MTBP: variants seen among roughly 807,000 people sequenced by gnomAD.
The protein encoded by MTBP is mdm2-binding protein.
Under a neutral mutation model 117.0 loss-of-function variants are expected in MTBP, and 101 were observed. The observed-to-expected ratio is 0.86, with a 90% CI of 0.73 to 1.02. The LOEUF (loss-of-function observed/expected upper bound fraction) is 1.02. Ranked by LOEUF, MTBP falls within the 50% of genes least tolerant of loss-of-function variation. The pLI is 0.00. For missense variants in MTBP, 970 were observed against 1,030.9 expected (o/e 0.94, Z 0.81); for synonymous variants, 350 against 351.5 (o/e 1.00, Z 0.05).
Position 120,515,914 on chromosome 8 carries a change from A to T in MTBP, c.1980-11A>T. The stretch of plus-strand genomic sequence containing the variant: ...GAGGTTTACATTTTAATGCTCTTTC[A>T]CTCATTTTAGATATTGCTTGGATGA... On this transcript the variant is annotated splice_polypyrimidine_tract_variant and intron_variant, in intron 17 of 21. Transcript: ENST00000305949. 6.2e-7 allele frequency: 1 copy of T among 1,609,646 alleles called. No homozygotes were observed. Among genetic ancestry groups the T allele is most frequent in the Non-Finnish European group, 8.5e-7 (1 of 1,177,638 alleles).
chr8:120,494,827 T>C (rs1052491499), intron 13 of MTBP, among the ~76,000 whole-genome samples: 1 of 152,216 alleles, frequency 6.6e-6, no homozygotes, highest in Admixed American at 6.5e-5. Context: ...TAAATTTGCC[T>C]ACTCTTCTGT....
intron 10 of MTBP, among the ~76,000 whole-genome samples, chr8:120,469,037 A>C (rs1813759959): frequency 6.6e-6 from 1 of 151,780 alleles, no homozygotes; most frequent in Admixed American, 6.6e-5. Context: ...TTGGGGGTTT[A>C]TTTATTTATT....
At chr8:120,446,260 A>G (rs765163284) in intron 1 of MTBP, among the ~76,000 whole-genome samples, 173 bp from the exon 2 acceptor site, 17 of 152,000 alleles carry the variant, frequency 1.1e-4, no homozygotes, top group Non-Finnish European at 1.9e-4. Flanking sequence ...AGCCTTTTCT[A>G]TTTTCTCTGA....
chr8:120,505,999 T>G (rs372069679), intron 15 of MTBP, among the ~76,000 whole-genome samples: 2 of 152,216 alleles, frequency 1.3e-5, no homozygotes, highest in African/African-American at 4.8e-5. Flanking sequence ...CTTTTTAAGC[T>G]TGGCATGCCG....
At position 120,523,622 on chromosome 8, in the gene MTBP, A is replaced by G. The variant is rs1303349578; in HGVS notation, c.*286A>G. The G allele has an allele frequency of 5.7e-6, 1 of 176,502 alleles. No individual in the cohort carries two copies. Among genetic ancestry groups the G allele is most frequent in the Non-Finnish European group, 1.2e-5 (1 of 84,366 alleles). 10.9% of individuals were successfully genotyped at this position (176,502 alleles called of 1,614,324 possible). ...CTTATTTAATTATTACAATAAACAG[A>G]ATTTTTTTTTTTTACTTTTTGGATT... On this transcript the variant is annotated 3_prime_UTR_variant, in exon 22 of 22. Coordinates refer to ENST00000305949, the MANE Select transcript of MTBP (RefSeq NM_022045.5).
chr8:120,478,588 A>T (rs551472724), intron 11 of MTBP, among the ~76,000 whole-genome samples: 28 of 152,320 alleles, frequency 1.8e-4, no homozygotes, highest in Non-Finnish European at 3.4e-4. Context: ...GAAACATGTT[A>T]AAGGCACTCT....
intron 17 of MTBP, among the ~76,000 whole-genome samples, 182 bp downstream of exon 17, chr8:120,510,211 G>C (rs570829241): frequency 6.6e-6 from 1 of 152,270 alleles, no homozygotes; most frequent in Non-Finnish European, 1.5e-5. Context: ...GTTATTTGAT[G>C]ATTAATCAGC....
Position 120,461,159 on chromosome 8 carries a change from A to G in MTBP, c.883-2A>G. ...ATTACACAATTTTAATTTCTTTTCT[A>G]GGTTTTCCATTATTATGGCCCTGCT... On this transcript the variant is annotated splice_acceptor_variant, in intron 8 of 21. Coordinates refer to ENST00000305949, the MANE Select transcript of MTBP (RefSeq NM_022045.5). LOFTEE classifies it high-confidence loss of function. 1 of 1,561,046 alleles carries G rather than the reference A, an allele frequency of 6.4e-7. No individual in the cohort carries two copies. Among genetic ancestry groups the G allele is most frequent in the Non-Finnish European group, 8.8e-7 (1 of 1,134,240 alleles).
rs147736284 is a variant in MTBP at position 120,450,572 on chromosome 8, G to A, written c.200-431G>A. On this transcript the variant is annotated intron_variant, in intron 2 of 21. Transcript: ENST00000305949. ...TCTTCCTTATCTTTAGACTGGGTTT[G>A]CTCTTTAACGCCTCTGTCTCTAGTC... Among the ~76,000 whole-genome samples, 339 of 152,182 alleles carry A rather than the reference G, an allele frequency of 2.2e-3. 2 individuals are homozygous for A. Among genetic ancestry groups the A allele is most frequent in the Admixed American group, 3.6e-3 (55 of 15,286 alleles).
At chr8:120,506,580 C>A in intron 15 of MTBP, 126 bp from the exon 16 acceptor site, 1 of 579,060 alleles carries the variant, frequency 1.7e-6, no homozygotes, top group Non-Finnish European at 2.8e-6. Flanking sequence ...TCCCATGTTG[C>A]TGGTGTGTTT....
At chr8:120,453,965 A>T in intron 5 of MTBP, 60 bp downstream of exon 5, 1 of 1,012,074 alleles carries the variant, frequency 9.9e-7, no homozygotes, top group Admixed American at 2.4e-5. Flanking sequence ...TTTATGAATA[A>T]ATGATAAATT....
Position 120,514,115 on chromosome 8 carries a change from A to G in MTBP, c.1980-1810A>G, listed in dbSNP as rs572148616. Reference sequence around the variant, plus strand: ...ATATTTAAATATAATTAATTTTAATATAATAAGATGTTTTGATGTACGTAT... The same window carrying G: ...ATATTTAAATATAATTAATTTTAATGTAATAAGATGTTTTGATGTACGTAT... On this transcript the variant is annotated intron_variant, in intron 17 of 21. Transcript: ENST00000305949. Among the ~76,000 whole-genome samples, 169 of 151,890 alleles carry G rather than the reference A, an allele frequency of 1.1e-3. 1 individual carries two copies. Among genetic ancestry groups the G allele is most frequent in the African/African-American group, 3.9e-3 (161 of 41,540 alleles).
chr8:120,514,064 G>GA (rs1343842630), intron 17 of MTBP, among the ~76,000 whole-genome samples: 2 of 151,624 alleles, frequency 1.3e-5, no homozygotes, highest in Admixed American at 6.6e-5. Context: ...CATCTAAGTA[G>GA]ACTTTTTAAA....
At chr8:120,490,685 T>C in intron 13 of MTBP, 115 bp downstream of exon 13, 1 of 610,796 alleles carries the variant, frequency 1.6e-6, no homozygotes, top group Non-Finnish European at 2.8e-6. Context: ...TTATGCTACT[T>C]AATTATAGAA....
At chr8:120,459,609 C>T (rs957742763) in intron 8 of MTBP, among the ~76,000 whole-genome samples, 8 of 152,084 alleles carry the variant, frequency 5.3e-5, no homozygotes, top group African/African-American at 1.7e-4. Flanking sequence ...TTGGACTTTA[C>T]TATGTGACCT....
At chr8:120,508,372 A>C (rs992558612) in intron 16 of MTBP, among the ~76,000 whole-genome samples, 2 of 152,162 alleles carry the variant, frequency 1.3e-5, no homozygotes, top group Non-Finnish European at 2.9e-5. Context: ...GCTGAGGGCG[A>C]TTGATATGAG....
chr8:120,449,171 A>G (rs1211761915), intron 2 of MTBP, among the ~76,000 whole-genome samples: 1 of 152,048 alleles, frequency 6.6e-6, no homozygotes, highest in Non-Finnish European at 1.5e-5. Context: ...TCTGAAGGAA[A>G]TTATGGGGGT....
In MTBP at chr8:120,445,623, T is replaced by C. The variant is rs772228075; in HGVS notation, c.118+35T>C. ...GGGATGAGAAAGAGCGGGAACGGCT[T>C]GTGGAGAGGGGAAGAAGTTTGAGTT... On this transcript the variant is annotated intron_variant, in intron 1 of 21. Coordinates refer to ENST00000305949, the MANE Select transcript of MTBP (RefSeq NM_022045.5). 1.4e-5 allele frequency: 21 copies of C among 1,525,872 alleles called. No homozygotes were observed. In the South Asian group the frequency reaches 2.4e-4, roughly 18 times the overall value. 94.5% of individuals were successfully genotyped at this position (1,525,872 alleles called of 1,614,324 possible).
Position 120,463,781 on chromosome 8 carries a change from G to A in MTBP, c.1047+20G>A. ...AGCAAGGTATTGAGGGTTTCTTGGG[G>A]GTTTTTTGTTTGTTTGTTTTTATAC... is the stretch of plus-strand genomic sequence containing the variant. On this transcript the variant is annotated intron_variant, in intron 10 of 21. Transcript: ENST00000305949. 1 of 1,603,806 alleles carries A rather than the reference G, an allele frequency of 6.2e-7. No homozygotes were observed. The highest frequency in any genetic ancestry group is 1.1e-5 in the South Asian group (1 of 89,830).
Sources: gnomAD v4.1 joint callset for allele counts (sites outside exome capture counted in the v4.1 genomes callset) on GRCh38, gnomAD v4.1.1 for gene constraint, MANE v1.5 for transcripts, NCBI Gene and HGNC (gene_info 2026-07-23, HGNC 2026-07-21) for gene names.